Variants in MAPK12 observed in about 807,000 individuals in gnomAD.
MAPK12 encodes the protein MAP kinase 12.
Under a neutral mutation model 49.1 loss-of-function variants are expected in MAPK12, and 49 were observed. The observed-to-expected ratio is 1.00, with a 90% CI of 0.79 to 1.27. The LOEUF (loss-of-function observed/expected upper bound fraction) is 1.27, where lower values mean the gene tolerates loss of function less well. MAPK12 is among the 50% of genes most tolerant of loss of function. MAPK12 has a pLI of 0.00. For missense variants in MAPK12, 554 were observed against 502.4 expected, an observed-to-expected ratio of 1.10 and a Z score of -0.98; for synonymous variants, 251 against 209.7, an observed-to-expected ratio of 1.20 and a Z score of -1.70.
intron 2 of MAPK12, chr22:50,260,812 C>A (rs1004865381): frequency 2.8e-5 from 5 of 177,090 alleles, no homozygotes; most frequent in Non-Finnish European, 6.0e-5. Context: ...ATCCTCCCGC[C>A]GGGAGCATGC....
Position 50,256,556 on chromosome 22 carries a change from G to T in MAPK12, c.504+43C>A, listed in dbSNP as rs765212628. 8.1e-6 allele frequency: 13 copies of T among 1,596,722 alleles called. No homozygotes were observed. In the Admixed American group the frequency reaches 2.3e-4, roughly 28 times the overall value. On this transcript the variant is annotated intron_variant, in intron 6 of 11. Coordinates refer to ENST00000215659, the MANE Select transcript of MAPK12 (RefSeq NM_002969.6). The stretch of plus-strand genomic sequence containing the variant: ...TGGATAGATGGGCAGATCCAGAGGG[G>T]GCCCCTGCCCCACCTCAGGGCCCCC...
At chr22:50,258,014 G>T in intron 3 of MAPK12, 1 of 733,626 alleles carries the variant, frequency 1.4e-6, no homozygotes, top group Non-Finnish European at 2.5e-6. Context: ...GCCAGGCGTG[G>T]AGAGAGGCAG....
In MAPK12 at chr22:50,258,310, G is replaced by T. The variant is rs368719601; in HGVS notation, c.256-9C>A. 7 of 1,612,574 alleles carry T rather than the reference G, an allele frequency of 4.3e-6. No individual in the cohort carries two copies. The highest frequency in any genetic ancestry group is 5.9e-6 in the Non-Finnish European group (7 of 1,179,622). On this transcript the variant is annotated splice_polypyrimidine_tract_variant and intron_variant, in intron 2 of 11. Coordinates refer to ENST00000215659, the MANE Select transcript of MAPK12 (RefSeq NM_002969.6). ...TCCAGCAGCCCGATCACCTGGGGGG[G>T]CCACATAGGGTTGAGAATGCAGCAG...
chr22:50,253,790 A>G, intron 11 of MAPK12: 1 of 441,044 alleles, frequency 2.3e-6, no homozygotes. Flanking sequence ...CTTTCAAGTT[A>G]TCTTTCTAGC....
rs184353809 is a variant in MAPK12 at position 50,253,901 on chromosome 22, C to T, written c.1025-421G>A. The T allele has an allele frequency of 1.5e-5, 3 of 198,010 alleles. No homozygotes were observed. In the Admixed American group the frequency reaches 1.6e-4, roughly 11 times the overall value. The allele number at this position is 198,010 out of a possible 1,614,324, so 12.3% of individuals were successfully genotyped here. A position where few individuals can be genotyped will look rare whatever the true frequency, so the allele number is the denominator to read the frequency against. ...CTGCGGGCACCCAGGGACCCGTGGT[C>T]GTAAGGAGCACATGTGAATCTCAAC... is the stretch of plus-strand genomic sequence containing the variant. On this transcript the variant is annotated intron_variant, in intron 11 of 11. Transcript: ENST00000215659.
rs2065159626 is a variant in MAPK12 at position 50,257,187 on chromosome 22, C to A, written c.321G>T (p.Leu107=). ...ETLDDFTDFY[L]VMPFMGTDLG... is the part of the protein sequence containing the mutation. ...GGTCGGTGCCCATGAACGGCATCAC[C>A]AGGTAACTGTGGGAGGGGCCGGAGC... The change falls in exon 4 of 12, where the codon CTG becomes CTT. Residue 107 remains leucine, a synonymous_variant. Transcript: ENST00000215659. 1 of 1,612,156 alleles carries A rather than the reference C, an allele frequency of 6.2e-7. No individual in the cohort carries two copies. The highest frequency in any genetic ancestry group is 8.5e-7 in the Non-Finnish European group (1 of 1,179,600).
rs1186922557 is a variant in MAPK12 at position 50,255,889 on chromosome 22, A to G, written c.620-8T>C. 8 of 1,612,322 alleles carry G rather than the reference A, an allele frequency of 5.0e-6. No individual in the cohort carries two copies. Among genetic ancestry groups the G allele is most frequent in the Non-Finnish European group, 5.9e-6 (7 of 1,179,672 alleles). On this transcript the variant is annotated splice_polypyrimidine_tract_variant and splice_region_variant and intron_variant, in intron 7 of 11. Coordinates refer to ENST00000215659, the MANE Select transcript of MAPK12 (RefSeq NM_002969.6). ...CCACAGACCAGATGTCCACTGAGAT[A>G]GAAGCCCTGGTCAGCTCCGTGGGCA...
At chr22:50,253,502 G>GGGGGGGGGGGCCCCCCCCCCCCCCCC in intron 11 of MAPK12, 22 bp from the exon 12 acceptor site, 1 of 171,668 alleles carries the variant, frequency 5.8e-6, no homozygotes, top group South Asian at 4.5e-5. Flanking sequence ...GGGGGGGCGG[G>GGGGGGGGGGGCCCCCCCCCCCCCCCC]CACAACAGAG....
Position 50,253,288 on chromosome 22 carries a change from C to T in MAPK12, c.*113G>A, listed in dbSNP as rs2147252623. ...GGTCCATGGAACCCGGGCGTCTGCT[C>T]TGATGGATGCCTTGGGATGCAAGCC... On this transcript the variant is annotated 3_prime_UTR_variant, in exon 12 of 12. Transcript: ENST00000215659. 2.5e-6 allele frequency: 2 copies of T among 805,140 alleles called. No homozygotes were observed. The highest frequency in any genetic ancestry group is 2.0e-5 in the Admixed American group (1 of 50,038). The allele number at this position is 805,140 out of a possible 1,614,324, so 49.9% of individuals were successfully genotyped here. A position where few individuals can be genotyped will look rare whatever the true frequency, so the allele number is the denominator to read the frequency against.
At position 50,257,135 on chromosome 22, in the gene MAPK12, G is replaced by A; in HGVS notation, c.373C>T (p.Leu125=). ...AGGAACTGGATCCGGTCCTCGCCTA[G>A]CTTCTCATGTTTCATGAGCTTGCCC... ...DLGKLMKHEK[L]GEDRIQFLVY... Residue 125 remains leucine (L), a synonymous_variant, in exon 4 of 12, where the codon CTA becomes TTA. Transcript: ENST00000215659. 1 of 1,612,864 alleles carries A rather than the reference G, an allele frequency of 6.2e-7. No homozygotes were observed. The highest frequency in any genetic ancestry group is 8.5e-7 in the Non-Finnish European group (1 of 1,179,940).
At chr22:50,254,236 G>A (rs1295655826) in intron 11 of MAPK12, 1 of 152,814 alleles carries the variant, frequency 6.5e-6, no homozygotes, top group Non-Finnish European at 1.5e-5. Context: ...TGGTATAGGG[G>A]ATGATGGACC....
rs546009717 is a variant in MAPK12 at position 50,257,936 on chromosome 22, C to T, written c.314+307G>A. 2.1e-5 allele frequency: 16 copies of T among 773,266 alleles called. 1 individual carries two copies. The highest frequency in any genetic ancestry group is 4.9e-5 in the East Asian group (2 of 41,074). The allele number at this position is 773,266 out of a possible 1,614,324, so 47.9% of individuals were successfully genotyped here. A position where few individuals can be genotyped will look rare whatever the true frequency, so the allele number is the denominator to read the frequency against. On this transcript the variant is annotated intron_variant, in intron 3 of 11. Coordinates refer to ENST00000215659, the MANE Select transcript of MAPK12 (RefSeq NM_002969.6). Reference sequence around the variant, plus strand: ...ACACTTGGTGCCAGGGTCCCGAGCACGGGACCTTCCTGTTAACAAATGGTC... The same window carrying T: ...ACACTTGGTGCCAGGGTCCCGAGCATGGGACCTTCCTGTTAACAAATGGTC...
chr22:50,261,088 T>C, intron 2 of MAPK12, 79 bp downstream of exon 2: 1 of 1,395,872 alleles, frequency 7.2e-7, no homozygotes. Context: ...GGAGGAGGGG[T>C]TGCCGGGTGG....
At chr22:50,253,695 T>C (rs2065121425) in intron 11 of MAPK12, 1 of 587,810 alleles carries the variant, frequency 1.7e-6, no homozygotes, top group Non-Finnish European at 3.0e-6. Context: ...CTTGGCCACA[T>C]GTCCACCACG....
At position 50,261,531 on chromosome 22, in the gene MAPK12, C is replaced by A; in HGVS notation, c.-22G>T. 1 of 1,108,044 alleles carries A rather than the reference C, an allele frequency of 9.0e-7. No homozygotes were observed. Among genetic ancestry groups the A allele is most frequent in the Non-Finnish European group, 1.1e-6 (1 of 899,882 alleles). The allele number at this position is 1,108,044 out of a possible 1,614,324, so 68.6% of individuals were successfully genotyped here. On this transcript the variant is annotated 5_prime_UTR_variant, in exon 1 of 12. Transcript: ENST00000215659. The stretch of plus-strand genomic sequence containing the variant: ...TCATGGCAGGCCCGGGAGCTGCCCA[C>A]CCCGCAGAGCCTGCGGGCGGTGCCC...
intron 6 of MAPK12, among the ~76,000 whole-genome samples, 173 bp downstream of exon 6, chr22:50,256,426 G>C (rs2065151023): frequency 6.6e-6 from 1 of 152,182 alleles, no homozygotes; most frequent in Admixed American, 6.5e-5. Flanking sequence ...AGGTGCCCTG[G>C]GTACGGCATG....
At chr22:50,259,951 G>A (rs1032155658) in intron 2 of MAPK12, among the ~76,000 whole-genome samples, 18 of 149,048 alleles carry the variant, frequency 1.2e-4, no homozygotes, top group Non-Finnish European at 1.0e-4. Context: ...GGGTGGGTGA[G>A]TGGGTGGGTG....
At position 50,261,476 on chromosome 22, in the gene MAPK12, A is replaced by G; in HGVS notation, c.34T>C (p.Tyr12His). ...SSPPPARSGF[Y>H]RQEVTKTAWE... ...GCCGTCTTGGTCACCTCCTGGCGGTAAAAGCCACTGCGGGCGGGCGGCGGA... is the reference window on the plus strand; with the variant it reads ...GCCGTCTTGGTCACCTCCTGGCGGTGAAAGCCACTGCGGGCGGGCGGCGGA... The change falls in exon 1 of 12, where the codon TAC (tyrosine) becomes CAC (histidine). Residue 12 changes from tyrosine (Y) to histidine (H), a missense_variant. Coordinates refer to ENST00000215659, the MANE Select transcript of MAPK12 (RefSeq NM_002969.6). 7.9e-7 allele frequency: 1 copy of G among 1,270,656 alleles called. No individual in the cohort carries two copies. Among genetic ancestry groups the G allele is most frequent in the Non-Finnish European group, 1.0e-6 (1 of 984,442 alleles). 78.7% of individuals were successfully genotyped at this position (1,270,656 alleles called of 1,614,324 possible).
At chr22:50,260,410 G>T (rs952068956) in intron 2 of MAPK12, among the ~76,000 whole-genome samples, 2 of 152,082 alleles carry the variant, frequency 1.3e-5, no homozygotes, top group East Asian at 1.9e-4. Context: ...GGAGTGACGT[G>T]GGGGGCAGTG....
Sources: gnomAD v4.1 joint callset for allele counts (sites outside exome capture counted in the v4.1 genomes callset) on GRCh38, gnomAD v4.1.1 for gene constraint, MANE v1.5 for transcripts, NCBI Gene and HGNC (gene_info 2026-07-23, HGNC 2026-07-21) for gene names.